The following ASMTL variants were observed in gnomAD, a reference collection of about 807,000 sequenced individuals.
The protein encoded by ASMTL is probable bifunctional dTTP/UTP pyrophosphatase/methyltransferase protein.
In ASMTL, 57 loss-of-function variants were observed where a neutral mutation model predicts 60.3. The ratio of observed to expected loss-of-function variants is 0.95; its 90% CI spans 0.76 to 1.18. ASMTL has a LOEUF of 1.18. ASMTL is among the 50% of genes most tolerant of loss of function. ASMTL has a pLI of 0.00. For synonymous variants in ASMTL, 419 were observed against 373.0 expected (o/e 1.12, Z -1.42); for missense variants, 981 against 852.6 (o/e 1.15, Z -1.88).
chrX:1,428,887 C>CTTAA (rs201165438), intron 6 of ASMTL, among the ~76,000 whole-genome samples: 17,071 of 148,124 alleles, frequency 0.12, 1,132 homozygotes, highest in Admixed American at 0.16. Flanking sequence ...TCCTGTCTCA[C>CTTAA]TTTTTTATTT....
At chrX:1,419,569 GAA>G (rs2090416809) in intron 9 of ASMTL, among the ~76,000 whole-genome samples, 2 of 151,906 alleles carry the variant, frequency 1.3e-5, no homozygotes, top group African/African-American at 4.8e-5. Flanking sequence ...GTGCAGAGGA[GAA>G]GCTCCTCCGA....
intron 5 of ASMTL, among the ~76,000 whole-genome samples, chrX:1,433,959 G>A (rs2090887017): frequency 6.6e-6 from 1 of 152,202 alleles, no homozygotes; most frequent in Non-Finnish European, 1.5e-5. Context: ...CCAGCAGTGA[G>A]CGGCAGGTGG....
Position 1,432,283 on chromosome X carries a change from G to C in ASMTL, c.495C>G (p.His165Gln). 1 of 1,612,144 alleles carries C rather than the reference G, an allele frequency of 6.2e-7. No individual in the cohort carries two copies. The change falls in exon 6 of 13, where the codon CAC becomes CAG. Residue 165 changes from histidine to glutamine, a missense_variant. Coordinates refer to ENST00000381317, the MANE Select transcript of ASMTL (RefSeq NM_004192.4). ...CCGAGACTCACATGGGCTCCCCGCTGTGGACGTATTCCCAGAGCAGCTCCT... is the reference window on the plus strand; with the variant it reads ...CCGAGACTCACATGGGCTCCCCGCTCTGGACGTATTCCCAGAGCAGCTCCT... ...LSEELLWEYV[H>Q]SGEPMDKAGG...
At chrX:1,432,097 T>C in intron 6 of ASMTL, 172 bp downstream of exon 6, 2 of 618,304 alleles carry the variant, frequency 3.2e-6, no homozygotes, top group East Asian at 5.5e-5. Flanking sequence ...CCTCCATGGG[T>C]CAGTGTGGTC....
In ASMTL at chrX:1,427,753, T is replaced by G; in HGVS notation, c.878A>C (p.Glu293Ala). Reference sequence around the variant, plus strand: ...AGGTACCTTGGATAGCATAAAGCCCTCAATCAGCTCCAGGAGGCGTGTCGG... The same window carrying G: ...AGGTACCTTGGATAGCATAAAGCCCGCAATCAGCTCCAGGAGGCGTGTCGG... ...PFPTRLLELIEGFMLSKGLLT... is the reference protein window; with the variant it reads ...PFPTRLLELIAGFMLSKGLLT... Residue 293 changes from glutamate (E) to alanine (A), a missense_variant, in exon 7 of 13, where the codon GAG (glutamate) becomes GCG (alanine). By Grantham distance (107) the Glu-to-Ala change is moderately radical. Transcript: ENST00000381317. The G allele has an allele frequency of 6.2e-7, 1 of 1,611,458 alleles. No individual in the cohort carries two copies. The highest frequency in any genetic ancestry group is 1.1e-5 in the South Asian group (1 of 90,946).
In ASMTL at chrX:1,418,694, G is replaced by T. The variant is rs111262792; in HGVS notation, c.1378+288C>A. Among the ~76,000 whole-genome samples the T allele has an allele frequency of 7.1e-3, 1,075 of 152,206 alleles. 18 individuals are homozygous for T. The highest frequency in any genetic ancestry group is 0.024 in the African/African-American group (998 of 41,524). On this transcript the variant is annotated intron_variant, in intron 10 of 12. Transcript: ENST00000381317. ...TGGGGTGGGGTGGAGGGTGAGTCAG[G>T]ATATAATCAGACTTGCTGAGGGGAA... is the stretch of plus-strand genomic sequence containing the variant.
chrX:1,406,573 G>C (rs1290033686), intron 12 of ASMTL, among the ~76,000 whole-genome samples: 1 of 150,726 alleles, frequency 6.6e-6, no homozygotes, highest in African/African-American at 2.4e-5. Flanking sequence ...TGGATAGATG[G>C]CATGGATGAG....
At chrX:1,449,652 A>AT (rs2091305114) in intron 1 of ASMTL, among the ~76,000 whole-genome samples, 1 of 133,942 alleles carries the variant, frequency 7.5e-6, no homozygotes, top group Admixed American at 7.7e-5. Context: ...ACCAGTAACT[A>AT]CCCCCCATCA....
chrX:1,406,002 G>A (rs2089818080), intron 12 of ASMTL, among the ~76,000 whole-genome samples: 1 of 151,352 alleles, frequency 6.6e-6, no homozygotes, highest in Non-Finnish European at 1.5e-5. Context: ...ATAGATGGAT[G>A]TATGGATGTG....
intron 12 of ASMTL, among the ~76,000 whole-genome samples, chrX:1,410,716 A>G (rs764777192): frequency 2.7e-5 from 4 of 148,836 alleles, no homozygotes; most frequent in African/African-American, 9.9e-5. Context: ...CCGGTCTCAG[A>G]AAAAACTTCT....
Position 1,422,300 on chromosome X carries a change from C to G in ASMTL, c.1061-458G>C, listed in dbSNP as rs2090503216. Among the ~76,000 whole-genome samples, 5 of 152,162 alleles carry G rather than the reference C, an allele frequency of 3.3e-5. No individual in the cohort carries two copies. The South Asian group carries it at 1.0e-3, about 32-fold the overall frequency. ...GGCCTCATCCAGCTCATTGAAAACC[C>G]CAGAAGCAAACATTGGGCTTTCCTG... On this transcript the variant is annotated intron_variant, in intron 8 of 12. Transcript: ENST00000381317.
intron 6 of ASMTL, 98 bp from the exon 7 acceptor site, chrX:1,428,219 G>A (rs1289420339): frequency 6.2e-6 from 9 of 1,443,260 alleles, no homozygotes; most frequent in East Asian, 4.6e-5. Context: ...GGATCACGAG[G>A]TCGGGAGATC....
At chrX:1,424,843 CATCT>C (rs1371584074) in intron 8 of ASMTL, among the ~76,000 whole-genome samples, 4 of 120,148 alleles carry the variant, frequency 3.3e-5, no homozygotes, top group African/African-American at 5.7e-5. Flanking sequence ...TCCATCCATC[CATCT>C]ATCCATCCAC....
At chrX:1,427,187 C>T (rs1440190418) in intron 7 of ASMTL, among the ~76,000 whole-genome samples, 1 of 150,314 alleles carries the variant, frequency 6.7e-6, no homozygotes, top group African/African-American at 2.4e-5. Flanking sequence ...TGGAGTGATA[C>T]GGCCACAAGC....
intron 2 of ASMTL, 64 bp downstream of exon 2, chrX:1,442,122 C>G: frequency 6.4e-7 from 1 of 1,573,798 alleles, no homozygotes; most frequent in Non-Finnish European, 8.7e-7. Flanking sequence ...ATATTTACCA[C>G]CCGCAAATCC....
At position 1,419,109 on chromosome X, in the gene ASMTL, C is replaced by A. The variant is rs372863874; in HGVS notation, c.1251G>T (p.Ala417=). The change falls in exon 10 of 13, where the codon GCG becomes GCT. Residue 417 remains alanine, a synonymous_variant. Transcript: ENST00000381317. The part of the protein sequence containing the change: ...GKKAEDLFQD[A]YYQSPETRLR... Reference sequence around the variant, plus strand: ...GCCGCGTCTCCGGGCTCTGGTAGTACGCATCCTGGAACACAGCAGGTGCTT... The same window carrying A: ...GCCGCGTCTCCGGGCTCTGGTAGTAAGCATCCTGGAACACAGCAGGTGCTT... 1.2e-6 allele frequency: 2 copies of A among 1,611,106 alleles called. No homozygotes were observed. The highest frequency in any genetic ancestry group is 2.2e-5 in the South Asian group (2 of 90,748).
chrX:1,434,200 C>T (rs2090896290), intron 5 of ASMTL, among the ~76,000 whole-genome samples: 1 of 152,136 alleles, frequency 6.6e-6, no homozygotes, highest in South Asian at 2.1e-4. Flanking sequence ...CCGTGGTGCA[C>T]ACCTGCAGTC....
intron 3 of ASMTL, among the ~76,000 whole-genome samples, chrX:1,438,207 C>A (rs28607525): frequency 0.21 from 31,972 of 151,398 alleles, 3,822 homozygotes; most frequent in Middle Eastern, 0.37. Context: ...CGCTTGAACC[C>A]GGGAGGCGGA....
Position 1,449,849 on chromosome X carries a change from A to AT in ASMTL, c.93+2898_93+2899insA, listed in dbSNP as rs1359375220. 9.4e-4 allele frequency among the ~76,000 whole-genome samples: 115 copies of AT among 122,032 alleles called. 1 individual carries two copies. The highest frequency in any genetic ancestry group is 4.2e-3 in the African/African-American group (115 of 27,294). The allele number at this position is 122,032 out of a possible 152,430, so 80.1% of individuals were successfully genotyped here. A position where few individuals can be genotyped will look rare whatever the true frequency, so the allele number is the denominator to read the frequency against. On this transcript the variant is annotated intron_variant, in intron 1 of 12. Transcript: ENST00000381317. ...CCTCCCATCACCAGTAACTATCCCC[A>AT]CATCACCAGTAACTACCCCCATCAC...
Sources: gnomAD v4.1 joint callset for allele counts (sites outside exome capture counted in the v4.1 genomes callset) on GRCh38, gnomAD v4.1.1 for gene constraint, MANE v1.5 for transcripts, NCBI Gene and HGNC (gene_info 2026-07-23, HGNC 2026-07-21) for gene names.